FCGR2A: variants seen among roughly 807,000 people sequenced by gnomAD.
FCGR2A encodes Fc gamma receptor IIa.
In FCGR2A, 18 loss-of-function variants were observed where a neutral mutation model predicts 29.3. The observed-to-expected ratio is 0.62, with a 90% CI of 0.43 to 0.91. The LOEUF is 0.91. FCGR2A is among the 40% of genes least tolerant of loss of function. The probability of loss-of-function intolerance (pLI) is 0.00; values close to 1 mark genes in which losing one functional copy is unlikely to be tolerated. For missense variants in FCGR2A, 287 were observed against 393.0 expected, an observed-to-expected ratio of 0.73 and a Z score of 2.28; for synonymous variants, 126 against 144.8, an observed-to-expected ratio of 0.87 and a Z score of 0.93.
chr1:161,510,244 C>A (rs1675681713), intron 4 of FCGR2A, 170 bp downstream of exon 4: 2 of 1,257,830 alleles, frequency 1.6e-6, no homozygotes, highest in African/African-American at 1.5e-5. Flanking sequence ...CAAGTAGGGG[C>A]CAGAGCTTGG....
chr1:161,506,655 A>G (rs978546524), intron 3 of FCGR2A, 64 bp downstream of exon 3: 11 of 1,602,942 alleles, frequency 6.9e-6, no homozygotes, highest in African/African-American at 2.7e-5. Context: ...CTGTTTACAG[A>G]CAGAGGTTTG....
At chr1:161,506,202 G>A (rs1488304174) in intron 2 of FCGR2A, 132 bp from the exon 3 acceptor site, 11 of 1,351,826 alleles carry the variant, frequency 8.1e-6, no homozygotes, top group East Asian at 4.6e-5. Context: ...GAATGAGGCC[G>A]CTGCAAGTAC....
At chr1:161,506,691 T>C (rs929673294) in intron 3 of FCGR2A, 100 bp downstream of exon 3, 140 of 1,560,084 alleles carry the variant, frequency 9.0e-5, no homozygotes, top group Non-Finnish European at 1.1e-4. Flanking sequence ...GTGGACTGCT[T>C]ACTGGGAAGC....
intron 6 of FCGR2A, among the ~76,000 whole-genome samples, chr1:161,517,721 T>C (rs1219731559): frequency 2.0e-5 from 3 of 152,156 alleles, no homozygotes; most frequent in Non-Finnish European, 4.4e-5. Context: ...CTGTTCTGTT[T>C]GGGCCTAGTG....
At chr1:161,513,155 C>T (rs1193198571) in intron 5 of FCGR2A, 1 of 150,292 alleles carries the variant, frequency 6.7e-6, no homozygotes, top group East Asian at 1.9e-4. Context: ...TCAGATGTCT[C>T]CCGACTTCCT....
At chr1:161,506,142 AT>A in intron 2 of FCGR2A, 135 bp downstream of exon 2, 1 of 1,267,340 alleles carries the variant, frequency 7.9e-7, no homozygotes, top group Non-Finnish European at 1.2e-6. Flanking sequence ...CAGTTCCCCC[AT>A]TTTAGTGGGG....
chr1:161,513,107 G>A (rs370793448), intron 5 of FCGR2A: 1 of 152,004 alleles, frequency 6.6e-6, no homozygotes, highest in Non-Finnish European at 1.5e-5. Flanking sequence ...AAGGCTCTCT[G>A]TGTTCAGGGG....
At position 161,518,996 on chromosome 1, in the gene FCGR2A, CA is replaced by C; in HGVS notation, c.*852del. The stretch of plus-strand genomic sequence containing the variant: ...GTTTCTGCCTTCTCCATGCTGAGAA[CA>C]AAATCACCTATTCACTGCTTATGCA... On this transcript the variant is annotated 3_prime_UTR_variant, in exon 7 of 7. Transcript: ENST00000271450. 1.0e-5 allele frequency: 3 copies of C among 300,752 alleles called. No individual in the cohort carries two copies. Among genetic ancestry groups the C allele is most frequent in the Non-Finnish European group, 2.0e-5 (3 of 152,268 alleles). The allele number at this position is 300,752 out of a possible 1,614,324, so 18.6% of individuals were successfully genotyped here.
intron 5 of FCGR2A, among the ~76,000 whole-genome samples, chr1:161,512,169 G>C (rs1675836547): frequency 6.6e-6 from 1 of 150,986 alleles, no homozygotes; most frequent in African/African-American, 2.4e-5. Context: ...ATGGGGTTAG[G>C]GGCTGTAAGA....
Position 161,510,060 on chromosome 1 carries a change from C to T in FCGR2A, c.605C>T (p.Thr202Ile). The T allele has an allele frequency of 6.2e-7, 1 of 1,613,882 alleles. No homozygotes were observed. Among genetic ancestry groups the T allele is most frequent in the Non-Finnish European group, 8.5e-7 (1 of 1,179,852 alleles). ...GYTLFSSKPV[T>I]ITVQVPSMGS... ...ACGCTGTTCTCATCCAAGCCTGTGA[C>T]CATCACTGTCCAAGGTATGGGGAGT... The change falls in exon 4 of 7, where the codon ACC (threonine) becomes ATC (isoleucine). Residue 202 changes from threonine (T) to isoleucine (I), a missense_variant. Physicochemically the swap from Thr to Ile is moderately conservative, Grantham distance 89. Coordinates refer to ENST00000271450, the MANE Select transcript of FCGR2A (RefSeq NM_001136219.3).
rs1675734675 is a variant in FCGR2A at position 161,510,909 on chromosome 1, T to C, written c.695T>C (p.Val232Ala). The change falls in exon 5 of 7, where the codon GTT becomes GCT. Residue 232 changes from valine (V) to alanine (A), a missense_variant. Transcript: ENST00000271450. Reference protein sequence around the residue: ...VVIATAVAAIVAAVVALIYCR... With the variant: ...VVIATAVAAIAAAVVALIYCR... ...ATTGCGACTGCTGTAGCAGCCATTG[T>C]TGCTGCTGTAGTGGCCTTGATCTAC... The C allele has an allele frequency of 6.2e-7, 1 of 1,614,106 alleles. No individual in the cohort carries two copies.
downstream of FCGR2A, among the ~76,000 whole-genome samples, chr1:161,520,158 C>G (rs1417912475): frequency 1.8e-4 from 27 of 152,024 alleles, no homozygotes; most frequent in Non-Finnish European, 3.4e-4. Context: ...TAGTCTGTCT[C>G]TATGTATTAG....
intron 1 of FCGR2A, 155 bp downstream of exon 1, chr1:161,505,707 T>A: frequency 1.3e-6 from 1 of 743,742 alleles, no homozygotes; most frequent in Non-Finnish European, 2.4e-6. Flanking sequence ...TTCCAATGGT[T>A]CCTAAGGTCA....
At position 161,506,591 on chromosome 1, in the gene FCGR2A, G is replaced by C; in HGVS notation, c.364G>C (p.Glu122Gln). Residue 122 changes from glutamate (E) to glutamine (Q), a missense_variant and splice_region_variant, in exon 3 of 7, where the codon GAA (glutamate) becomes CAA (glutamine). By Grantham distance (29) the Glu-to-Gln change is conservative (BLOSUM62 2). Coordinates refer to ENST00000271450, the MANE Select transcript of FCGR2A (RefSeq NM_001136219.3). ...SDPVHLTVLS[E>Q]WLVLQTPHLE... is the part of the protein sequence containing the mutation. The stretch of plus-strand genomic sequence containing the variant: ...CCCTGTGCATCTGACTGTGCTTTCC[G>C]GTCAGTGGAGGAAGGCCCCAGGGTG... 2 of 1,614,032 alleles carry C rather than the reference G, an allele frequency of 1.2e-6. No homozygotes were observed. Among genetic ancestry groups the C allele is most frequent in the Non-Finnish European group, 1.7e-6 (2 of 1,179,904 alleles).
At chr1:161,512,195 C>T (rs986118232) in intron 5 of FCGR2A, among the ~76,000 whole-genome samples, 13 of 149,070 alleles carry the variant, frequency 8.7e-5, no homozygotes, top group Non-Finnish European at 1.9e-4. Flanking sequence ...GCCAATCGGA[C>T]GTGGGAGGCA....
At chr1:161,506,840 G>A in intron 3 of FCGR2A, 4 of 696,448 alleles carry the variant, frequency 5.7e-6, no homozygotes, top group Non-Finnish European at 9.2e-6. Context: ...TGAGCAAGGG[G>A]GTTACGAGGC....
intron 2 of FCGR2A, 124 bp from the exon 3 acceptor site, chr1:161,506,210 T>TAC: frequency 7.2e-7 from 1 of 1,391,254 alleles, no homozygotes; most frequent in East Asian, 2.3e-5. Flanking sequence ...CCGCTGCAAG[T>TAC]ACAGATCTTG....
downstream of FCGR2A, among the ~76,000 whole-genome samples, chr1:161,521,686 T>A (rs1031423486): frequency 5.3e-5 from 8 of 151,940 alleles, no homozygotes; most frequent in African/African-American, 1.9e-4. Flanking sequence ...TCTCATGAGA[T>A]CTGATGGTTT....
Position 161,505,980 on chromosome 1 carries a change from T to G in FCGR2A, c.86-7T>G. On this transcript the variant is annotated splice_region_variant and splice_polypyrimidine_tract_variant and intron_variant, in intron 1 of 6. Coordinates refer to ENST00000271450, the MANE Select transcript of FCGR2A (RefSeq NM_001136219.3). ...TCGACGTTGATCCACTCTCTTCTCT[T>G]TTACAGCTTCTGCAGACAGTCAAGC... is the stretch of plus-strand genomic sequence containing the variant. 6.2e-7 allele frequency: 1 copy of G among 1,614,098 alleles called. No homozygotes were observed. The highest frequency in any genetic ancestry group is 1.3e-5 in the African/African-American group (1 of 75,064).
Sources: gnomAD v4.1 joint callset for allele counts (sites outside exome capture counted in the v4.1 genomes callset) on GRCh38, gnomAD v4.1.1 for gene constraint, MANE v1.5 for transcripts, NCBI Gene and HGNC (gene_info 2026-07-23, HGNC 2026-07-21) for gene names.